The following GPC6 variants were observed in gnomAD, a reference collection of about 807,000 sequenced individuals.
GPC6 encodes glypican 6, also known as glypican-6.
Under a neutral mutation model 55.2 loss-of-function variants are expected in GPC6, and 14 were observed. The observed-to-expected ratio is 0.25, with a 90% confidence interval of 0.17 to 0.40. The LOEUF (loss-of-function observed/expected upper bound fraction) is 0.40, where lower values mean the gene tolerates loss of function less well. Among genes scored for constraint, GPC6 ranks in the 10% least tolerant of loss-of-function variants. The pLI is 1.00. For missense variants in GPC6, 641 were observed against 708.5 expected (o/e 0.90, Z 1.08); for synonymous variants, 278 against 259.6 (o/e 1.07, Z -0.68).
intron 3 of GPC6, among the ~76,000 whole-genome samples, chr13:93,862,609 A>G (rs1471866141): frequency 6.6e-6 from 1 of 150,576 alleles, no homozygotes; most frequent in Non-Finnish European, 1.5e-5. Flanking sequence ...CCATATATAT[A>G]CAACCCCCAC....
At chr13:94,144,003 T>A (rs910715599) in intron 4 of GPC6, among the ~76,000 whole-genome samples, 2 of 152,244 alleles carry the variant, frequency 1.3e-5, no homozygotes, top group South Asian at 2.1e-4. Context: ...ATATTTTGTT[T>A]TCACTGAAGC....
chr13:93,953,680 A>G (rs1342545057), intron 3 of GPC6, among the ~76,000 whole-genome samples: 1 of 152,212 alleles, frequency 6.6e-6, no homozygotes, highest in East Asian at 1.9e-4. Flanking sequence ...GGTAGATAGA[A>G]CCATAAGTAT....
At chr13:93,783,244 A>G (rs1335123272) in intron 2 of GPC6, among the ~76,000 whole-genome samples, 1 of 152,050 alleles carries the variant, frequency 6.6e-6, no homozygotes, top group African/African-American at 2.4e-5. Context: ...GGCTGATTCC[A>G]TGTCTTTGCT....
intron 1 of GPC6, among the ~76,000 whole-genome samples, chr13:93,436,393 C>A (rs942770943): frequency 5.9e-5 from 9 of 152,100 alleles, no homozygotes; most frequent in African/African-American, 1.7e-4. Context: ...ATATTGTGTA[C>A]CATCCCAGCA....
At chr13:93,907,143 A>G (rs1566596954) in intron 3 of GPC6, among the ~76,000 whole-genome samples, 1 of 152,128 alleles carries the variant, frequency 6.6e-6, no homozygotes, top group Non-Finnish European at 1.5e-5. Context: ...GAAATGATAA[A>G]TAAGATCTAC....
At chr13:93,390,257 C>T (rs1440075677) in intron 1 of GPC6, among the ~76,000 whole-genome samples, 3 of 151,890 alleles carry the variant, frequency 2.0e-5, no homozygotes, top group South Asian at 2.1e-4. Context: ...ATTGGTAAAC[C>T]GTTCTGGGAA....
intron 2 of GPC6, among the ~76,000 whole-genome samples, chr13:93,797,699 A>T (rs1013814303): frequency 6.6e-6 from 1 of 152,168 alleles, no homozygotes; most frequent in African/African-American, 2.4e-5. Context: ...CCTAAGAGAG[A>T]AAGTAAATGG....
chr13:94,333,337 C>G (rs1877522035), intron 6 of GPC6, among the ~76,000 whole-genome samples: 1 of 152,202 alleles, frequency 6.6e-6, no homozygotes, highest in African/African-American at 2.4e-5. Flanking sequence ...ATCTTATGGT[C>G]AGCATCTGAG....
At chr13:93,840,775 G>A (rs1384552311) in intron 3 of GPC6, among the ~76,000 whole-genome samples, 6 of 152,062 alleles carry the variant, frequency 3.9e-5, no homozygotes, top group Non-Finnish European at 8.8e-5. Context: ...CAGATGAGAC[G>A]TCTTTGTTAC....
chr13:93,303,357 G>A (rs923969929), intron 1 of GPC6, among the ~76,000 whole-genome samples: 2 of 152,128 alleles, frequency 1.3e-5, no homozygotes, highest in African/African-American at 4.8e-5. Context: ...CATGATTGTT[G>A]GGAAAATAAG....
chr13:93,567,424 T>A (rs980614065), intron 2 of GPC6, among the ~76,000 whole-genome samples: 1 of 152,204 alleles, frequency 6.6e-6, no homozygotes, highest in Non-Finnish European at 1.5e-5. Flanking sequence ...ATTTGGCCCC[T>A]ACAACATTTT....
At chr13:93,773,872 A>C (rs2138896246) in intron 2 of GPC6, among the ~76,000 whole-genome samples, 1 of 152,324 alleles carries the variant, frequency 6.6e-6, no homozygotes, top group South Asian at 2.1e-4. Context: ...CCAGCAGAGC[A>C]ACTTAAAATC....
At chr13:93,723,335 G>A (rs1473003797) in intron 2 of GPC6, among the ~76,000 whole-genome samples, 1 of 151,872 alleles carries the variant, frequency 6.6e-6, no homozygotes, top group Non-Finnish European at 1.5e-5. Flanking sequence ...AGTTTCTGAT[G>A]TGTCTTTTCG....
chr13:93,917,807 A>C (rs1877364864), intron 3 of GPC6, among the ~76,000 whole-genome samples: 1 of 152,182 alleles, frequency 6.6e-6, no homozygotes, highest in Admixed American at 6.5e-5. Context: ...GTTAAAAAAC[A>C]AAAATATTCG....
intron 3 of GPC6, among the ~76,000 whole-genome samples, chr13:93,877,679 G>C (rs1221381922): frequency 6.6e-6 from 1 of 151,966 alleles, no homozygotes; most frequent in Non-Finnish European, 1.5e-5. Flanking sequence ...TGTCTTTAAT[G>C]GTTCATAACA....
chr13:93,498,493 G>T (rs901382243), intron 1 of GPC6, among the ~76,000 whole-genome samples: 3 of 152,172 alleles, frequency 2.0e-5, no homozygotes, highest in Non-Finnish European at 2.9e-5. Context: ...GAAATCCCAT[G>T]TGTTGTGGGA....
chr13:93,353,239 C>T (rs990740624), intron 1 of GPC6, among the ~76,000 whole-genome samples: 3 of 152,142 alleles, frequency 2.0e-5, no homozygotes, highest in African/African-American at 7.2e-5. Context: ...TTGGAAGCTG[C>T]TAGCATCATG....
chr13:94,259,512 T>C (rs1891597305), intron 4 of GPC6, among the ~76,000 whole-genome samples: 1 of 152,192 alleles, frequency 6.6e-6, no homozygotes, highest in Non-Finnish European at 1.5e-5. Flanking sequence ...ATTGTACTTT[T>C]CAAAAATATT....
intron 2 of GPC6, among the ~76,000 whole-genome samples, chr13:93,644,244 G>A (rs16949070): frequency 0.01 from 1,550 of 152,012 alleles, 32 homozygotes; most frequent in African/African-American, 0.036. Flanking sequence ...ACTTCTTCTA[G>A]ATCATTTTAA....
Sources: allele counts gnomAD v4.1 joint callset (sites outside exome capture counted in the v4.1 genomes callset), GRCh38; gene constraint gnomAD v4.1.1; transcripts MANE v1.5; gene names NCBI Gene and HGNC (gene_info 2026-07-23, HGNC 2026-07-21).